GRK3: variants seen among roughly 807,000 people sequenced by gnomAD.
GRK3 encodes the protein G protein-coupled receptor kinase 3.
In GRK3, 54 loss-of-function variants were observed where a neutral mutation model predicts 95.7. That is an observed-to-expected ratio of 0.56 (90% CI 0.45 to 0.71). GRK3 has a LOEUF of 0.71. GRK3 is among the 30% of genes least tolerant of loss of function. GRK3 has a pLI of 0.00. For synonymous variants in GRK3, 281 were observed against 290.8 expected, an observed-to-expected ratio of 0.97 and a Z score of 0.34; for missense variants, 649 against 851.2, an observed-to-expected ratio of 0.76 and a Z score of 2.96.
At position 25,661,658 on chromosome 22, in the gene GRK3, A is replaced by G. The variant is rs561581394; in HGVS notation, c.347A>G (p.Glu116Gly). 1.2e-4 allele frequency: 198 copies of G among 1,609,998 alleles called. 5 individuals are homozygous for G. In the South Asian group the frequency reaches 2.1e-3, roughly 17 times the overall value. ...ATTTATGATGCCTACATCATGAAGG[A>G]ACTTCTTTCCTGTTCACATGTAAGT... ...RQIYDAYIMK[E>G]LLSCSHPFSK... The change falls in exon 4 of 21, where the codon GAA (glutamate) becomes GGA (glycine). Residue 116 changes from glutamate (E) to glycine (G), a missense_variant. By Grantham distance (98) the Glu-to-Gly change is moderately conservative (BLOSUM62 -2). Around this residue, in one of 3 missense-constraint regions of GRK3, gnomAD observed 206 missense variants for 231.4 expected, o/e 0.89. Transcript: ENST00000324198.
chr22:25,665,190 G>A (rs947578427), intron 5 of GRK3, among the ~76,000 whole-genome samples: 1 of 152,158 alleles, frequency 6.6e-6, no homozygotes, highest in African/African-American at 2.4e-5. Flanking sequence ...TTTGTACGAG[G>A]CCCGCCTATC....
At chr22:25,721,712 A>G (rs1414247436) in intron 20 of GRK3, among the ~76,000 whole-genome samples, 1 of 152,194 alleles carries the variant, frequency 6.6e-6, no homozygotes, top group African/African-American at 2.4e-5. Flanking sequence ...TAAGGTTTAT[A>G]TATTTAGATA....
chr22:25,692,935 A>G (rs1208822726), intron 12 of GRK3, among the ~76,000 whole-genome samples: 2 of 152,230 alleles, frequency 1.3e-5, no homozygotes, highest in Non-Finnish European at 2.9e-5. Context: ...AAAGCTGTAG[A>G]TGTGATTCTT....
rs1163207600 is a variant in GRK3 at position 25,722,374 on chromosome 22, T to A, written c.1991T>A (p.Phe664Tyr). ...AQRLLRRAPK[F>Y]LNKPRSGTVE... is the part of the protein sequence containing the mutation. Reference sequence around the variant, plus strand: ...CGGCTATTGCGTCGTGCCCCGAAGTTCCTCAACAAACCTCGGTCAGGTACT... The same window carrying A: ...CGGCTATTGCGTCGTGCCCCGAAGTACCTCAACAAACCTCGGTCAGGTACT... The change falls in exon 21 of 21, where the codon TTC becomes TAC. Residue 664 changes from phenylalanine to tyrosine, a missense_variant. Around this residue, in one of 3 missense-constraint regions of GRK3, gnomAD observed 382 missense variants for 493.8 expected, o/e 0.77. Transcript: ENST00000324198. 1 of 1,614,080 alleles carries A rather than the reference T, an allele frequency of 6.2e-7. No homozygotes were observed. The highest frequency in any genetic ancestry group is 8.5e-7 in the Non-Finnish European group (1 of 1,179,994).
chr22:25,638,101 A>G (rs2084716241), intron 2 of GRK3, among the ~76,000 whole-genome samples: 2 of 152,146 alleles, frequency 1.3e-5, no homozygotes, highest in Non-Finnish European at 2.9e-5. Context: ...ATCTCCTTAC[A>G]CCACGATTAA....
intron 7 of GRK3, among the ~76,000 whole-genome samples, 155 bp downstream of exon 7, chr22:25,672,502 C>T (rs1431538192): frequency 1.3e-5 from 2 of 152,222 alleles, no homozygotes; most frequent in African/African-American, 4.8e-5. Context: ...CATTCACCCT[C>T]CCATGCTTCC....
rs1188454729 is a variant in GRK3, at chr22:25,711,827, C to T, written c.1491+664C>T. ...GCCTTCCCTGTTTCTTCTCAGCTGC[C>T]CCCATTTACACCCTTCTGACACAAA... On this transcript the variant is annotated intron_variant, in intron 17 of 20. Coordinates refer to ENST00000324198, the MANE Select transcript of GRK3 (RefSeq NM_005160.4). Among the ~76,000 whole-genome samples the T allele has an allele frequency of 8.5e-5, 13 of 152,296 alleles. No individual in the cohort carries two copies. In the South Asian group the frequency reaches 2.3e-3, roughly 27 times the overall value.
At chr22:25,661,474 T>C (rs2084908942) in intron 3 of GRK3, 102 bp from the exon 4 acceptor site, 2 of 623,896 alleles carry the variant, frequency 3.2e-6, no homozygotes, top group Non-Finnish European at 5.6e-6. Context: ...TAATTTGCTT[T>C]ATCTCATGTG....
At position 25,565,078 on chromosome 22, in the gene GRK3, A is replaced by G; in HGVS notation, c.38A>G (p.Tyr13Cys). 6.6e-7 allele frequency: 1 copy of G among 1,515,948 alleles called. No homozygotes were observed. The highest frequency in any genetic ancestry group is 8.8e-7 in the Non-Finnish European group (1 of 1,132,420). The allele number at this position is 1,515,948 out of a possible 1,614,324, so 93.9% of individuals were successfully genotyped here. Residue 13 changes from tyrosine to cysteine, a missense_variant, in exon 1 of 21, where the codon TAC (tyrosine) becomes TGC (cysteine). By Grantham distance (194) the Tyr-to-Cys change is radical. Around this residue, in one of 3 missense-constraint regions of GRK3, gnomAD observed 206 missense variants for 231.4 expected, o/e 0.89. Transcript: ENST00000324198. ...DLEAVLADVS[Y>C]LMAMEKSKAT... Reference sequence around the variant, plus strand: ...GAGGCTGTGCTGGCCGATGTCAGTTACCTGATGGCCATGGAGAAGAGCAAG... The same window carrying G: ...GAGGCTGTGCTGGCCGATGTCAGTTGCCTGATGGCCATGGAGAAGAGCAAG...
chr22:25,696,761 G>A (rs934963262), intron 13 of GRK3, among the ~76,000 whole-genome samples: 3 of 152,220 alleles, frequency 2.0e-5, no homozygotes, highest in Admixed American at 1.3e-4. Flanking sequence ...TCAGGACTCT[G>A]ATAATCCAGT....
chr22:25,573,741 A>C (rs1931787355), intron 1 of GRK3, among the ~76,000 whole-genome samples: 1 of 152,170 alleles, frequency 6.6e-6, no homozygotes. Context: ...TCTACTAAAA[A>C]TACAAAAATT....
At chr22:25,631,741 A>T (rs1178194192) in intron 2 of GRK3, among the ~76,000 whole-genome samples, 1 of 152,192 alleles carries the variant, frequency 6.6e-6, no homozygotes, top group East Asian at 1.9e-4. Flanking sequence ...TTCGTAGTCA[A>T]CCCACAGCTT....
In GRK3 at chr22:25,687,629, C is replaced by G. The variant is rs1294213562; in HGVS notation, c.919C>G (p.His307Asp). ...CACTGAAATCATTCTGGGTCTGGAACACATGCACAATCGGTTTGTTGTCTA... is the reference window on the plus strand; with the variant it reads ...CACTGAAATCATTCTGGGTCTGGAAGACATGCACAATCGGTTTGTTGTCTA... ...YATEIILGLE[H>D]MHNRFVVYRD... The change falls in exon 11 of 21, where the codon CAC (histidine) becomes GAC (aspartate). Residue 307 changes from histidine to aspartate, a missense_variant. Physicochemically the swap from His to Asp is moderately conservative, Grantham distance 81. Transcript: ENST00000324198. 6.2e-7 allele frequency: 1 copy of G among 1,613,984 alleles called. No individual in the cohort carries two copies. Among genetic ancestry groups the G allele is most frequent in the East Asian group, 2.2e-5 (1 of 44,886 alleles).
At chr22:25,631,116 T>C (rs2084660997) in intron 2 of GRK3, among the ~76,000 whole-genome samples, 1 of 152,274 alleles carries the variant, frequency 6.6e-6, no homozygotes, top group African/African-American at 2.4e-5. Context: ...GAATGTAGGT[T>C]AGTAATCCCT....
chr22:25,670,393 TG>T (rs1324649411), intron 6 of GRK3, among the ~76,000 whole-genome samples: 1 of 151,902 alleles, frequency 6.6e-6, no homozygotes, highest in African/African-American at 2.4e-5. Flanking sequence ...CCTAGCCACT[TG>T]GGGGGCTGAG....
chr22:25,617,580 T>G (rs1396449727), intron 2 of GRK3, among the ~76,000 whole-genome samples: 2 of 152,240 alleles, frequency 1.3e-5, no homozygotes, highest in African/African-American at 2.4e-5. Flanking sequence ...TCAGAAAGCA[T>G]AGTCTTGCCC....
chr22:25,680,156 A>G (rs1287131675), intron 9 of GRK3, among the ~76,000 whole-genome samples: 1 of 152,250 alleles, frequency 6.6e-6, no homozygotes, highest in Non-Finnish European at 1.5e-5. Context: ...AAAGAATAGC[A>G]TAATGTAGCT....
chr22:25,685,631 A>C (rs1178487538), intron 10 of GRK3, among the ~76,000 whole-genome samples: 7 of 152,224 alleles, frequency 4.6e-5, no homozygotes, highest in Admixed American at 1.3e-4. Flanking sequence ...TTAAAAACCA[A>C]CTTTGAAGGA....
At chr22:25,592,865 A>C (rs1932541827) in intron 1 of GRK3, among the ~76,000 whole-genome samples, 1 of 151,704 alleles carries the variant, frequency 6.6e-6, no homozygotes, top group Non-Finnish European at 1.5e-5. Context: ...GGTTATGTCC[A>C]TGAGTACCCA....
Sources: allele counts gnomAD v4.1 joint callset (sites outside exome capture counted in the v4.1 genomes callset), GRCh38; gene constraint gnomAD v4.1.1; regional missense constraint gnomAD v4.1.1; transcripts MANE v1.5; gene names NCBI Gene and HGNC (gene_info 2026-07-23, HGNC 2026-07-21).